The following ZDHHC20 variants were observed in gnomAD, a reference collection of about 807,000 sequenced individuals.
ZDHHC20 encodes the protein zDHHC palmitoyltransferase 20, also known as palmitoyltransferase ZDHHC20.
A neutral mutation model predicts 57.8 loss-of-function variants in ZDHHC20; 43 were observed. That is an observed-to-expected ratio of 0.74 (90% CI 0.58 to 0.96). ZDHHC20 has a LOEUF of 0.96. Among genes scored for constraint, ZDHHC20 ranks in the 40% least tolerant of loss-of-function variants. The probability of loss-of-function intolerance (pLI) is 0.00; values close to 1 mark genes in which losing one functional copy is unlikely to be tolerated. For synonymous variants in ZDHHC20, 157 were observed against 153.0 expected (o/e 1.03, Z -0.19); for missense variants, 391 against 441.1 (o/e 0.89, Z 1.02).
chr13:21,421,922 T>G (rs755554336), intron 2 of ZDHHC20, among the ~76,000 whole-genome samples: 12 of 152,146 alleles, frequency 7.9e-5, no homozygotes, highest in Non-Finnish European at 1.6e-4. Context: ...TTTTAAAGTT[T>G]AGATAAAATG....
intron 1 of ZDHHC20, among the ~76,000 whole-genome samples, chr13:21,434,365 A>G (rs985884705): frequency 6.6e-6 from 1 of 152,216 alleles, no homozygotes; most frequent in East Asian, 1.9e-4. Context: ...TGATTACTTA[A>G]AAGTTTGAAT....
rs148703547 is a variant in ZDHHC20 at position 21,407,916 on chromosome 13, A to T, written c.371-5050T>A. Among the ~76,000 whole-genome samples the T allele has an allele frequency of 3.2e-3, 488 of 152,308 alleles. 2 individuals are homozygous for T. Among genetic ancestry groups the T allele is most frequent in the African/African-American group, 0.011 (475 of 41,570 alleles). Reference sequence around the variant, plus strand: ...TTTGTTTTTGTCAGGTTTGTCAAAGATCAGATGGTTGTAGATGTGTGGTGT... The same window carrying T: ...TTTGTTTTTGTCAGGTTTGTCAAAGTTCAGATGGTTGTAGATGTGTGGTGT... On this transcript the variant is annotated intron_variant, in intron 4 of 12. Transcript: ENST00000400590.
Position 21,459,174 on chromosome 13 carries a change from T to G in ZDHHC20, c.-3A>C, listed in dbSNP as rs746207250. On this transcript the variant is annotated 5_prime_UTR_variant, in exon 1 of 13. Coordinates refer to ENST00000400590, the MANE Select transcript of ZDHHC20 (RefSeq NM_001330059.2). ...CGCCACAGCGTCCAGGGCGCCATGTTCCGCTGGCGGCTGCCGAGCCCCGCG... is the reference window on the plus strand; with the variant it reads ...CGCCACAGCGTCCAGGGCGCCATGTGCCGCTGGCGGCTGCCGAGCCCCGCG... 2 of 1,596,116 alleles carry G rather than the reference T, an allele frequency of 1.3e-6. No individual in the cohort carries two copies.
At chr13:21,447,838 A>T (rs1352102594) in intron 1 of ZDHHC20, among the ~76,000 whole-genome samples, 2 of 102,986 alleles carry the variant, frequency 1.9e-5, no homozygotes, top group Non-Finnish European at 4.6e-5. Context: ...GGAAGTGAGG[A>T]GCGCCTCTTC....
chr13:21,418,971 C>G (rs1348833294), intron 3 of ZDHHC20, among the ~76,000 whole-genome samples: 2 of 152,204 alleles, frequency 1.3e-5, no homozygotes, highest in Admixed American at 1.3e-4. Flanking sequence ...GCCACCACGC[C>G]TGGCCTGCAT....
intron 1 of ZDHHC20, among the ~76,000 whole-genome samples, chr13:21,433,104 T>C (rs1383780665): frequency 6.6e-6 from 1 of 152,180 alleles, no homozygotes; most frequent in Admixed American, 6.5e-5. Flanking sequence ...ATTTTAGGTT[T>C]GCATTTCCAT....
rs1184955269 is a variant in ZDHHC20 at position 21,381,503 on chromosome 13, T to C, written c.991A>G (p.Lys331Glu). The C allele has an allele frequency of 1.2e-6, 2 of 1,613,922 alleles. No homozygotes were observed. The highest frequency in any genetic ancestry group is 1.1e-5 in the South Asian group (1 of 91,062). Residue 331 changes from lysine (K) to glutamate (E), a missense_variant, in exon 11 of 13, where the codon AAA (lysine) becomes GAA (glutamate). Coordinates refer to ENST00000400590, the MANE Select transcript of ZDHHC20 (RefSeq NM_001330059.2). The part of the protein sequence containing the change: ...PFPIKPLSES[K>E]NRLLDSESQW... ...GATTCACTGTCCAACAAGCGGTTTT[T>C]TGATTCACTAAGTGGTTTGATAGGA...
chr13:21,412,372 C>T (rs1879330637), intron 4 of ZDHHC20, among the ~76,000 whole-genome samples: 1 of 151,988 alleles, frequency 6.6e-6, no homozygotes, highest in African/African-American at 2.4e-5. Flanking sequence ...TACTAGAATT[C>T]CAAGGCTAAA....
intron 9 of ZDHHC20, among the ~76,000 whole-genome samples, chr13:21,385,512 G>C (rs540609465): frequency 2.6e-5 from 4 of 152,272 alleles, no homozygotes; most frequent in African/African-American, 7.2e-5. Flanking sequence ...TTATAGAAGA[G>C]ATCAGTGAAC....
intron 1 of ZDHHC20, among the ~76,000 whole-genome samples, chr13:21,452,771 CAT>C (rs1346935991): frequency 1.3e-5 from 2 of 151,966 alleles, no homozygotes; most frequent in Non-Finnish European, 2.9e-5. Flanking sequence ...CTCAAAGACA[CAT>C]GTTATAAGCC....
intron 9 of ZDHHC20, among the ~76,000 whole-genome samples, chr13:21,384,457 CAAAAAAAAAA>C (rs11358320): frequency 0.019 from 1,410 of 76,184 alleles, 16 homozygotes; most frequent in Middle Eastern, 0.038. Flanking sequence ...ACTCTATCTC[CAAAAAAAAAA>C]AAAAAAAAAA....
intron 7 of ZDHHC20, among the ~76,000 whole-genome samples, chr13:21,396,424 G>A (rs1308179367): frequency 6.6e-6 from 1 of 152,072 alleles, no homozygotes; most frequent in Non-Finnish European, 1.5e-5. Flanking sequence ...GACAATATCT[G>A]TATAAATTTA....
chr13:21,452,229 G>A (rs181364538), intron 1 of ZDHHC20, among the ~76,000 whole-genome samples: 60 of 85,368 alleles, frequency 7.0e-4, no homozygotes, highest in African/African-American at 2.1e-3. Flanking sequence ...AAATGGGCAT[G>A]AGGGATCTTA....
At chr13:21,444,791 G>C (rs1148972) in intron 1 of ZDHHC20, among the ~76,000 whole-genome samples, 151,994 of 152,276 alleles carry the variant, frequency 1, 75,857 homozygotes, top group Middle Eastern at 1. Flanking sequence ...CACAGTGGCT[G>C]ATGTCTTCAA....
intron 1 of ZDHHC20, among the ~76,000 whole-genome samples, chr13:21,434,205 GT>G (rs1355090784): frequency 2.0e-5 from 3 of 152,054 alleles, no homozygotes; most frequent in Non-Finnish European, 4.4e-5. Context: ...AGTCTACAGG[GT>G]TTTTACTTAA....
At chr13:21,429,491 C>T (rs887264081) in intron 1 of ZDHHC20, among the ~76,000 whole-genome samples, 1 of 152,012 alleles carries the variant, frequency 6.6e-6, no homozygotes, top group African/African-American at 2.4e-5. Context: ...TCTGTTTTTC[C>T]CCTATAGGTA....
chr13:21,403,831 G>A (rs1878064861), intron 4 of ZDHHC20, among the ~76,000 whole-genome samples: 1 of 152,134 alleles, frequency 6.6e-6, no homozygotes, highest in African/African-American at 2.4e-5. Flanking sequence ...GGGACAACAG[G>A]TGTGCGCCAT....
chr13:21,384,343 G>A (rs1372159008), intron 9 of ZDHHC20, among the ~76,000 whole-genome samples: 2 of 151,604 alleles, frequency 1.3e-5, no homozygotes, highest in South Asian at 2.1e-4. Context: ...GGGAGGCTGA[G>A]GCATACGAAT....
chr13:21,377,329 TGACCTCCACCCCTAGTG>T, intron 12 of ZDHHC20: 3 of 137,792 alleles, frequency 2.2e-5, no homozygotes, highest in African/African-American at 3.5e-5. Context: ...CTGCCCGACG[TGACCTCCACCCCTAGTG>T]CCTGCGATCT....
Sources: gnomAD v4.1 joint callset for allele counts (sites outside exome capture counted in the v4.1 genomes callset) on GRCh38, gnomAD v4.1.1 for gene constraint, MANE v1.5 for transcripts, NCBI Gene and HGNC (gene_info 2026-07-23, HGNC 2026-07-21) for gene names.